The following MYCL variants were observed in gnomAD, a reference collection of about 807,000 sequenced individuals.
The protein encoded by MYCL is protein L-Myc.
A neutral mutation model predicts 31.0 loss-of-function variants in MYCL; 11 were observed. That is an observed-to-expected ratio of 0.35 (90% CI 0.22 to 0.59). The LOEUF (loss-of-function observed/expected upper bound fraction) is 0.59. Among genes scored for constraint, MYCL ranks in the 20% least tolerant of loss-of-function variants. MYCL has a pLI of 0.79. For synonymous variants in MYCL, 208 were observed against 202.4 expected (o/e 1.03, Z -0.23); for missense variants, 427 against 486.1 (o/e 0.88, Z 1.14).
chr1:39,899,908 A>C (rs987065705), intron 1 of MYCL: 1 of 985,314 alleles, frequency 1.0e-6, no homozygotes, highest in African/African-American at 1.7e-5. Flanking sequence ...TACACTCTAC[A>C]AAAATACCCT....
In MYCL at chr1:39,901,757, C is replaced by A; in HGVS notation, c.-323G>T. 1 of 1,215,778 alleles carries A rather than the reference C, an allele frequency of 8.2e-7. No homozygotes were observed. The highest frequency in any genetic ancestry group is 1.0e-6 in the Non-Finnish European group (1 of 977,548). 75.3% of individuals were successfully genotyped at this position (1,215,778 alleles called of 1,614,324 possible). On this transcript the variant is annotated 5_prime_UTR_variant, in exon 1 of 2. Coordinates refer to ENST00000372816, the MANE Select transcript of MYCL (RefSeq NM_001033081.3). The surrounding 1 kb of genome is among the most constrained non-coding windows in gnomAD (Gnocchi z 6.9). Reference sequence around the variant, plus strand: ...CCGTGCCCAGAAGGCAGCCTGCAGCCAGCCCGCACCGCGGGACCCGCGCCC... The same window carrying A: ...CCGTGCCCAGAAGGCAGCCTGCAGCAAGCCCGCACCGCGGGACCCGCGCCC...
rs1418851340 is a variant in MYCL, at chr1:39,897,733, TCCC to T, written c.731_733del (p.Gly244del). 6.2e-7 allele frequency: 1 copy of T among 1,614,116 alleles called. No homozygotes were observed. Among genetic ancestry groups the T allele is most frequent in the Non-Finnish European group, 8.5e-7 (1 of 1,180,016 alleles). On this transcript the variant is annotated inframe_deletion, in exon 2 of 2. Coordinates refer to ENST00000372816, the MANE Select transcript of MYCL (RefSeq NM_001033081.3). The surrounding 1 kb of genome is among the most constrained non-coding windows in gnomAD (Gnocchi z 4.3). ...CTCTTCATCCTCCTCATCTTCCTTTTCCCCTGCAGCATCTCTCTCCAGAACCTC... is the reference window on the plus strand; with the variant it reads ...CTCTTCATCCTCCTCATCTTCCTTTTCTGCAGCATCTCTCTCCAGAACCTC...
chr1:39,898,932 A>T (rs1644508433), intron 1 of MYCL: 1 of 985,478 alleles, frequency 1.0e-6, no homozygotes, highest in Non-Finnish European at 1.2e-6. Flanking sequence ...GCCTCCACAC[A>T]GAAGTCCACC....
At chr1:39,899,510 A>G in intron 1 of MYCL, 1 of 587,246 alleles carries the variant, frequency 1.7e-6, no homozygotes, top group Non-Finnish European at 2.1e-6. Context: ...TGAGGCCCAG[A>G]TCAGCGAAGT....
chr1:39,901,839 C>G lies in MYCL; in HGVS notation c.-405G>C, dbSNP rs1267561364. The G allele has an allele frequency of 7.1e-6, 9 of 1,262,820 alleles. No homozygotes were observed. The highest frequency in any genetic ancestry group is 1.6e-5 in the African/African-American group (1 of 62,982). 78.2% of individuals were successfully genotyped at this position (1,262,820 alleles called of 1,614,324 possible). ...CCAGCCGCCCGCCACCTGGAGCGGA[C>G]CGGCTCCCCGCCGGCTCGGGGCAGC... On this transcript the variant is annotated 5_prime_UTR_variant, in exon 1 of 2. Transcript: ENST00000372816. This position sits in a 1 kb window ranked among gnomAD's most constrained non-coding sequence, Gnocchi z 6.9.
At position 39,901,147 on chromosome 1, in the gene MYCL, C is replaced by G. The variant is rs773882415; in HGVS notation, c.288G>C (p.Trp96Cys). 6.2e-7 allele frequency: 1 copy of G among 1,612,300 alleles called. No individual in the cohort carries two copies. The highest frequency in any genetic ancestry group is 1.1e-5 in the South Asian group (1 of 90,808). The change falls in exon 1 of 2, where the codon TGG becomes TGC. Residue 96 changes from tryptophan (W) to cysteine (C), a missense_variant. Coordinates refer to ENST00000372816, the MANE Select transcript of MYCL (RefSeq NM_001033081.3). This position sits in a 1 kb window ranked among gnomAD's most constrained non-coding sequence, Gnocchi z 6.9. ...YASIIRRDCM[W>C]SGFSARERLE... ...GCCGTTCCCGGGCCGAGAAGCCGCT[C>G]CACATGCAGTCACGGCGTATGATGG... is the stretch of plus-strand genomic sequence containing the variant.
chr1:39,898,276 T>A (rs1644502511), intron 1 of MYCL, among the ~76,000 whole-genome samples: 1 of 151,994 alleles, frequency 6.6e-6, no homozygotes, highest in Admixed American at 6.6e-5. Flanking sequence ...GGCTCTCCCC[T>A]CCCCCACGGA....
rs1466375925 is a variant in MYCL at position 39,895,604 on chromosome 1, C to G, written c.*1768G>C. On this transcript the variant is annotated 3_prime_UTR_variant, in exon 2 of 2. Transcript: ENST00000372816. ...TTCCTTGTACAAAAACAGTTAACAC[C>G]ACTTTGCAAAAGGCATACAAAAATA... The G allele has an allele frequency of 8.9e-6, 2 of 224,334 alleles. No homozygotes were observed. The highest frequency in any genetic ancestry group is 2.2e-5 in the African/African-American group (1 of 44,810). 13.9% of individuals were successfully genotyped at this position (224,334 alleles called of 1,614,324 possible).
rs1053620920 is a variant in MYCL, at chr1:39,896,914, T to C, written c.*458A>G. 1 of 201,192 alleles carries C rather than the reference T, an allele frequency of 5.0e-6. No individual in the cohort carries two copies. Among genetic ancestry groups the C allele is most frequent in the Non-Finnish European group, 1.0e-5 (1 of 96,450 alleles). The allele number at this position is 201,192 out of a possible 1,614,324, so 12.5% of individuals were successfully genotyped here. A position where few individuals can be genotyped will look rare whatever the true frequency, so the allele number is the denominator to read the frequency against. ...CGTGTGTCTTCTGGAAAAAGGAGCC[T>C]CAGGGAGAGCATCCAGGCCCAGCTG... On this transcript the variant is annotated 3_prime_UTR_variant, in exon 2 of 2. Coordinates refer to ENST00000372816, the MANE Select transcript of MYCL (RefSeq NM_001033081.3).
At chr1:39,899,681 C>T (rs115770415) in intron 1 of MYCL, 72 of 985,412 alleles carry the variant, frequency 7.3e-5, no homozygotes, top group Middle Eastern at 5.2e-4. Flanking sequence ...CAAACATAAA[C>T]TCTTGGTGTA....
chr1:39,901,317 G>C lies in MYCL; in HGVS notation c.118C>G (p.Pro40Ala). 6.2e-7 allele frequency: 1 copy of C among 1,604,744 alleles called. No homozygotes were observed. The highest frequency in any genetic ancestry group is 8.5e-7 in the Non-Finnish European group (1 of 1,176,276). ...WKKFELVPSP[P>A]TSPPWGLGPG... is the part of the protein sequence containing the mutation. ...CCCAAGCCCCAGGGCGGCGACGTGG[G>C]GGGCGATGGCACCAGCTCGAATTTC... The change falls in exon 1 of 2, where the codon CCC (proline) becomes GCC (alanine). Residue 40 changes from proline to alanine, a missense_variant. Coordinates refer to ENST00000372816, the MANE Select transcript of MYCL (RefSeq NM_001033081.3). This position sits in a 1 kb window ranked among gnomAD's most constrained non-coding sequence, Gnocchi z 6.9.
intron 1 of MYCL, chr1:39,899,997 G>C: frequency 7.1e-6 from 7 of 985,490 alleles, no homozygotes; most frequent in Non-Finnish European, 8.4e-6. Flanking sequence ...GGATGCCCCA[G>C]TCTGCCCTCA....
Position 39,901,183 on chromosome 1 carries a change from C to A in MYCL, c.252G>T (p.Arg84Ser), listed in dbSNP as rs1226173450. The A allele has an allele frequency of 1.2e-6, 2 of 1,613,170 alleles. No individual in the cohort carries two copies. The highest frequency in any genetic ancestry group is 1.3e-5 in the African/African-American group (1 of 74,926). Residue 84 changes from arginine (R) to serine (S), a missense_variant, in exon 1 of 2, where the codon AGG becomes AGT. Transcript: ENST00000372816. The surrounding 1 kb of genome is among the most constrained non-coding windows in gnomAD (Gnocchi z 6.9). ...ESRGHSKGWG[R>S]NYASIIRRDC... The stretch of plus-strand genomic sequence containing the variant: ...CACGGCGTATGATGGAGGCGTAGTT[C>A]CTGCCCCAGCCTTTCGAGTGGCCCC...
chr1:39,897,223 TTG>T lies in MYCL; in HGVS notation c.*147_*148del. On this transcript the variant is annotated 3_prime_UTR_variant, in exon 2 of 2. Coordinates refer to ENST00000372816, the MANE Select transcript of MYCL (RefSeq NM_001033081.3). This position sits in a 1 kb window ranked among gnomAD's most constrained non-coding sequence, Gnocchi z 4.3. ...AGGTTTCCAAGAATGCAAGCCTTTA[TTG>T]TGTGTGCACCGGCTGCAATGCATTC... 1 of 729,498 alleles carries T rather than the reference TTG, an allele frequency of 1.4e-6. No homozygotes were observed. The highest frequency in any genetic ancestry group is 2.5e-5 in the East Asian group (1 of 40,492). The allele number at this position is 729,498 out of a possible 1,614,324, so 45.2% of individuals were successfully genotyped here. A position where few individuals can be genotyped will look rare whatever the true frequency, so the allele number is the denominator to read the frequency against.
intron 1 of MYCL, 82 bp from the exon 2 acceptor site, chr1:39,898,052 C>A: frequency 6.6e-7 from 1 of 1,520,248 alleles, no homozygotes; most frequent in Non-Finnish European, 8.8e-7. Context: ...GCTGTCTACG[C>A]TGGTGCTTGG....
intron 1 of MYCL, chr1:39,900,129 G>A: frequency 2.0e-6 from 2 of 985,596 alleles, no homozygotes; most frequent in Non-Finnish European, 2.4e-6. Flanking sequence ...TGAATGCCAG[G>A]GAGCAGCTGA....
rs1644541869 is a variant in MYCL at position 39,901,667 on chromosome 1, G to A, written c.-233C>T. ...CCCGACTGTGGGCAGCGAGTTCAAA[G>A]CAAACTTTGCCAGCGCCGCCCGGAG... On this transcript the variant is annotated 5_prime_UTR_variant, in exon 1 of 2. Coordinates refer to ENST00000372816, the MANE Select transcript of MYCL (RefSeq NM_001033081.3). The surrounding 1 kb of genome is among the most constrained non-coding windows in gnomAD (Gnocchi z 6.9). 2 of 1,307,396 alleles carry A rather than the reference G, an allele frequency of 1.5e-6. No individual in the cohort carries two copies. Among genetic ancestry groups the A allele is most frequent in the Non-Finnish European group, 9.7e-7 (1 of 1,034,630 alleles). The allele number at this position is 1,307,396 out of a possible 1,614,324, so 81.0% of individuals were successfully genotyped here.
At chr1:39,900,554 G>A in intron 1 of MYCL, 3 of 1,180,350 alleles carry the variant, frequency 2.5e-6, no homozygotes, top group Non-Finnish European at 3.1e-6. Flanking sequence ...TCTCCCCCTA[G>A]GGGAGTGTGA....
intron 1 of MYCL, chr1:39,898,904 T>G (rs928189726): frequency 6.1e-6 from 6 of 985,368 alleles, no homozygotes; most frequent in Admixed American, 6.1e-5. Flanking sequence ...AGTCTCCTCC[T>G]GCTCCACACA....
Sources: allele counts gnomAD v4.1 joint callset (sites outside exome capture counted in the v4.1 genomes callset), GRCh38; gene constraint gnomAD v4.1.1; non-coding constraint Gnocchi (gnomAD v3.1); transcripts MANE v1.5; gene names NCBI Gene and HGNC (gene_info 2026-07-23, HGNC 2026-07-21).